Variants in BCL2L11 observed in about 807,000 individuals in gnomAD.
BCL2L11 encodes bcl-2-like protein 11.
Under a neutral mutation model 20.6 loss-of-function variants are expected in BCL2L11, and 15 were observed. That is an observed-to-expected ratio of 0.73 (90% CI 0.49 to 1.12). The LOEUF (loss-of-function observed/expected upper bound fraction) is 1.12, where lower values mean the gene tolerates loss of function less well. BCL2L11 is among the 50% of genes most tolerant of loss of function. BCL2L11 has a pLI of 0.00. For synonymous variants in BCL2L11, 108 were observed against 92.8 expected, an observed-to-expected ratio of 1.16 and a Z score of -0.94; for missense variants, 292 against 260.9, an observed-to-expected ratio of 1.12 and a Z score of -0.82.
chr2:111,164,775 C>T lies in BCL2L11; in HGVS notation c.*544C>T, dbSNP rs1317393566. Reference sequence around the variant, plus strand: ...ATACTCCCTCCCTTCCCTACTATTGCCTCTCTGACCTTTTTAAATTATTTT... The same window carrying T: ...ATACTCCCTCCCTTCCCTACTATTGTCTCTCTGACCTTTTTAAATTATTTT... On this transcript the variant is annotated 3_prime_UTR_variant, in exon 4 of 4. Coordinates refer to ENST00000393256, the MANE Select transcript of BCL2L11 (RefSeq NM_138621.5). The T allele has an allele frequency of 6.5e-6, 1 of 152,782 alleles. No individual in the cohort carries two copies. Among genetic ancestry groups the T allele is most frequent in the Non-Finnish European group, 1.5e-5 (1 of 68,136 alleles). 9.5% of individuals were successfully genotyped at this position (152,782 alleles called of 1,614,324 possible). A position where few individuals can be genotyped will look rare whatever the true frequency, so the allele number is the denominator to read the frequency against.
intron 3 of BCL2L11, among the ~76,000 whole-genome samples, chr2:111,152,155 C>A (rs1034612141): frequency 1.3e-5 from 2 of 152,222 alleles, no homozygotes; most frequent in Admixed American, 1.3e-4. Context: ...CAGAATCCAA[C>A]AGGACAGATC....
intron 2 of BCL2L11, among the ~76,000 whole-genome samples, chr2:111,148,612 C>G (rs2076862616): frequency 6.6e-6 from 1 of 152,182 alleles, no homozygotes; most frequent in African/African-American, 2.4e-5. Flanking sequence ...CTGAAAGTTT[C>G]CCCTTCATCA....
intron 2 of BCL2L11, among the ~76,000 whole-genome samples, chr2:111,145,022 G>A (rs368209848): frequency 3.3e-5 from 5 of 152,116 alleles, no homozygotes; most frequent in East Asian, 1.9e-4. Flanking sequence ...GTTGAATATC[G>A]ATTCAAAGCT....
intron 2 of BCL2L11, among the ~76,000 whole-genome samples, chr2:111,133,363 G>A (rs1559034376): frequency 6.6e-6 from 1 of 152,270 alleles, no homozygotes; most frequent in East Asian, 1.9e-4. Flanking sequence ...CATTTATTCA[G>A]CGCTAGAAAT....
At chr2:111,158,035 A>C (rs1421631761) in intron 3 of BCL2L11, among the ~76,000 whole-genome samples, 1 of 152,210 alleles carries the variant, frequency 6.6e-6, no homozygotes, top group Non-Finnish European at 1.5e-5. Flanking sequence ...GGTGTTGGGC[A>C]GTATTGTAGC....
intron 3 of BCL2L11, among the ~76,000 whole-genome samples, chr2:111,151,670 A>G (rs3789068): frequency 0.41 from 62,453 of 152,076 alleles, 13,400 homozygotes; most frequent in Non-Finnish European, 0.48. Context: ...GTTCTTCAGT[A>G]TGGAATTTCT....
At chr2:111,137,143 T>C (rs17041868) in intron 2 of BCL2L11, among the ~76,000 whole-genome samples, 13,980 of 152,228 alleles carry the variant, frequency 0.092, 834 homozygotes, top group African/African-American at 0.16. Flanking sequence ...TTTAGAGTAC[T>C]TGTAGTAGGT....
At chr2:111,147,325 G>C (rs965687845) in intron 2 of BCL2L11, among the ~76,000 whole-genome samples, 5 of 84,810 alleles carry the variant, frequency 5.9e-5, no homozygotes, top group African/African-American at 2.2e-4. Context: ...ACAGCCTCCT[G>C]TATCTCTCTC....
At chr2:111,147,344 T>TCACACACA (rs1449890383) in intron 2 of BCL2L11, among the ~76,000 whole-genome samples, 1 of 132,598 alleles carries the variant, frequency 7.5e-6, no homozygotes, top group Admixed American at 7.7e-5. Context: ...TCTCTCTCTC[T>TCACACACA]CTCACACACA....
At chr2:111,138,073 A>G (rs2075227901) in intron 2 of BCL2L11, among the ~76,000 whole-genome samples, 1 of 143,080 alleles carries the variant, frequency 7.0e-6, no homozygotes, top group African/African-American at 2.7e-5. Context: ...CAGTGCCATG[A>G]TCTCAGCTCA....
chr2:111,157,964 G>A (rs1487419886), intron 3 of BCL2L11, among the ~76,000 whole-genome samples: 1 of 152,162 alleles, frequency 6.6e-6, no homozygotes, highest in East Asian at 1.9e-4. Context: ...ACATCAAAGT[G>A]CAGCAGGCAC....
chr2:111,163,634 C>T (rs889960425), intron 3 of BCL2L11, among the ~76,000 whole-genome samples: 3 of 152,042 alleles, frequency 2.0e-5, no homozygotes, highest in African/African-American at 4.8e-5. Flanking sequence ...CTCTGGGTCA[C>T]GGTGTTTATC....
At chr2:111,131,192 G>T (rs985046459) in intron 2 of BCL2L11, among the ~76,000 whole-genome samples, 6 of 134,388 alleles carry the variant, frequency 4.5e-5, no homozygotes, top group African/African-American at 1.6e-4. Context: ...AACCATCTAG[G>T]CCAGGAGATT....
At chr2:111,151,916 TG>T (rs1466772487) in intron 3 of BCL2L11, 1 of 1,517,118 alleles carries the variant, frequency 6.6e-7, no homozygotes, top group Admixed American at 2.0e-5. Flanking sequence ...GAACTTTGGT[TG>T]GTTTTATAAC....
chr2:111,128,352 A>C (rs1033423431), intron 2 of BCL2L11, among the ~76,000 whole-genome samples: 1 of 152,122 alleles, frequency 6.6e-6, no homozygotes, highest in Non-Finnish European at 1.5e-5. Flanking sequence ...ATCAGGAGAT[A>C]CTTGGGTTGC....
intron 1 of BCL2L11, among the ~76,000 whole-genome samples, chr2:111,121,817 C>G (rs751772347): frequency 4.6e-5 from 7 of 152,240 alleles, no homozygotes; most frequent in African/African-American, 7.2e-5. Context: ...GTGCCATCCG[C>G]ACGATTCCCT....
chr2:111,151,995 C>T, intron 3 of BCL2L11: 1 of 982,034 alleles, frequency 1.0e-6, no homozygotes. Context: ...TTTGGTGTTC[C>T]TGTGTGTGAC....
chr2:111,164,135 ATT>A lies in BCL2L11; in HGVS notation c.505_506del (p.Leu169GlufsTer2). On this transcript the variant is annotated frameshift_variant, in exon 4 of 4. Transcript: ENST00000393256. LOFTEE classifies it high-confidence loss of function. ...AAGCTTTCCTTTTGTTGTTTCAGGTATTTTTGAATAATTACCAAGCAGCCGAA... is the reference window on the plus strand; with the variant it reads ...AAGCTTTCCTTTTGTTGTTTCAGGTATTTGAATAATTACCAAGCAGCCGAA... ...EFNAYYARRV[F>X]LNNYQAAEDH... is the part of the protein sequence containing the mutation. 1 of 1,436,796 alleles carries A rather than the reference ATT, an allele frequency of 7.0e-7. No homozygotes were observed. Among genetic ancestry groups the A allele is most frequent in the Non-Finnish European group, 9.4e-7 (1 of 1,063,304 alleles). The allele number at this position is 1,436,796 out of a possible 1,614,324, so 89.0% of individuals were successfully genotyped here.
intron 2 of BCL2L11, among the ~76,000 whole-genome samples, chr2:111,143,545 C>T (rs527602243): frequency 2.6e-5 from 4 of 152,272 alleles, no homozygotes; most frequent in Admixed American, 1.3e-4. Flanking sequence ...CAATTCCCTA[C>T]GAGGAATAGC....
Sources: gnomAD v4.1 joint callset for allele counts (sites outside exome capture counted in the v4.1 genomes callset) on GRCh38, gnomAD v4.1.1 for gene constraint, MANE v1.5 for transcripts, NCBI Gene and HGNC (gene_info 2026-07-23, HGNC 2026-07-21) for gene names.